Variants in BRSK2 observed in about 807,000 individuals in gnomAD.
The protein encoded by BRSK2 is BR serine/threonine kinase 2.
BRSK2 carries 19 observed loss-of-function variants against 83.3 expected under a neutral mutation model. The ratio of observed to expected loss-of-function variants is 0.23; its 90% CI spans 0.16 to 0.33. The LOEUF is 0.33. Ranked by LOEUF, BRSK2 falls within the 10% of genes least tolerant of loss-of-function variation. The pLI, the probability that BRSK2 is intolerant of heterozygous loss-of-function variation, is 1.00. For missense variants in BRSK2, 798 were observed against 1,042.3 expected, an observed-to-expected ratio of 0.77 and a Z score of 3.23; for synonymous variants, 519 against 435.4, an observed-to-expected ratio of 1.19 and a Z score of -2.39.
chr11:1,411,040 CCATGGCAACAG>C, intron 1 of BRSK2: 1 of 1,062,242 alleles, frequency 9.4e-7, no homozygotes, highest in Non-Finnish European at 1.1e-6. Context: ...GCTCCCATCA[CCATGGCAACAG>C]ATGGAGATTT....
Position 1,423,667 on chromosome 11 carries a change from A to G in BRSK2, c.92-12373A>G, listed in dbSNP as rs2005578. ...AAGGCCTCAAGGAAGCCCTGCCCCA[A>G]GCCTCCCCCGCTGGGCGTTCCGGGT... is the stretch of plus-strand genomic sequence containing the variant. On this transcript the variant is annotated intron_variant, in intron 1 of 19. Transcript: ENST00000528841. This position sits in a 1 kb window ranked among gnomAD's most constrained non-coding sequence, Gnocchi z 6.5. Among the ~76,000 whole-genome samples, 13,667 of 129,272 alleles carry G rather than the reference A, an allele frequency of 0.11. 1,665 individuals are homozygous for G. Among genetic ancestry groups the G allele is most frequent in the African/African-American group, 0.29 (7,920 of 27,102 alleles). 84.8% of individuals were successfully genotyped at this position (129,272 alleles called of 152,430 possible).
chr11:1,408,761 A>G (rs534220969), intron 1 of BRSK2, among the ~76,000 whole-genome samples: 1 of 93,620 alleles, frequency 1.1e-5, no homozygotes, highest in East Asian at 2.3e-4. Context: ...CTGCCTGTGC[A>G]GGGGTGTGTG....
chr11:1,390,412 G>C lies in BRSK2; in HGVS notation c.91+37G>C, dbSNP rs1845647603. 1.0e-6 allele frequency: 1 copy of C among 998,128 alleles called. No homozygotes were observed. Among genetic ancestry groups the C allele is most frequent in the African/African-American group, 1.8e-5 (1 of 56,936 alleles). The allele number at this position is 998,128 out of a possible 1,614,324, so 61.8% of individuals were successfully genotyped here. On this transcript the variant is annotated intron_variant, in intron 1 of 19. Coordinates refer to ENST00000528841, the MANE Select transcript of BRSK2 (RefSeq NM_001256627.2). The surrounding 1 kb of genome is among the most constrained non-coding windows in gnomAD (Gnocchi z 6.8). The stretch of plus-strand genomic sequence containing the variant: ...CGGGGCGGGGACCGGGGCCGGGGAG[G>C]CCGCGCTGGCAGCGCGCTGGGTGGG...
chr11:1,406,794 C>T (rs1846904210), intron 1 of BRSK2, among the ~76,000 whole-genome samples: 1 of 152,174 alleles, frequency 6.6e-6, no homozygotes, highest in Non-Finnish European at 1.5e-5. Context: ...GGGTGTCAGC[C>T]TGCAGCTTGG....
chr11:1,402,763 G>T (rs1463307754), intron 1 of BRSK2, among the ~76,000 whole-genome samples: 1 of 152,206 alleles, frequency 6.6e-6, no homozygotes, highest in African/African-American at 2.4e-5. Context: ...CCTGCCAAAG[G>T]CAGAGGGAGT....
In BRSK2 at chr11:1,454,311, CTAGGGTTAGGGCGT is replaced by C; in HGVS notation, c.1545-172_1545-159del. On this transcript the variant is annotated intron_variant, in intron 15 of 19. Transcript: ENST00000528841. This position sits in a 1 kb window ranked among gnomAD's most constrained non-coding sequence, Gnocchi z 5.2. The stretch of plus-strand genomic sequence containing the variant: ...CACGGTGATGGTCAGGGCATATGGG[CTAGGGTTAGGGCGT>C]TGGGGTCAGGGCCATGGGTTCTGGC... The C allele has an allele frequency of 1.4e-6, 1 of 713,536 alleles. No homozygotes were observed. The allele number at this position is 713,536 out of a possible 1,614,324, so 44.2% of individuals were successfully genotyped here.
chr11:1,448,881 C>G (rs536046933), intron 12 of BRSK2, among the ~76,000 whole-genome samples: 3 of 152,386 alleles, frequency 2.0e-5, no homozygotes, highest in Admixed American at 6.5e-5. Flanking sequence ...GGTCCGGGGC[C>G]TGGGCCGTGG....
chr11:1,452,347 T>C (rs926733465), intron 15 of BRSK2, among the ~76,000 whole-genome samples: 2 of 152,140 alleles, frequency 1.3e-5, no homozygotes, highest in African/African-American at 4.8e-5. Flanking sequence ...GGTGTGTAGG[T>C]ATTGTCGCAA....
chr11:1,454,477 C>T lies in BRSK2; in HGVS notation c.1545-8C>T, dbSNP rs1356881833. The T allele has an allele frequency of 6.2e-7, 1 of 1,612,930 alleles. No homozygotes were observed. Among genetic ancestry groups the T allele is most frequent in the South Asian group, 1.1e-5 (1 of 91,078 alleles). The stretch of plus-strand genomic sequence containing the variant: ...CAATCCTCACAGCCTCTGTCTCCCA[C>T]TGCCCAGGCTGGCGAAGAAGTCCTG... On this transcript the variant is annotated splice_region_variant and splice_polypyrimidine_tract_variant and intron_variant, in intron 15 of 19. Coordinates refer to ENST00000528841, the MANE Select transcript of BRSK2 (RefSeq NM_001256627.2). This position sits in a 1 kb window ranked among gnomAD's most constrained non-coding sequence, Gnocchi z 5.2.
In BRSK2 at chr11:1,453,202, G is replaced by A. The variant is rs554103962; in HGVS notation, c.1545-1283G>A. ...CATAGCAACACCCAGACTAGTGTCC[G>A]GCCAGGCTGTGCACTGCCCACCACG... On this transcript the variant is annotated intron_variant, in intron 15 of 19. Coordinates refer to ENST00000528841, the MANE Select transcript of BRSK2 (RefSeq NM_001256627.2). Among the ~76,000 whole-genome samples, 9 of 152,342 alleles carry A rather than the reference G, an allele frequency of 5.9e-5. No individual in the cohort carries two copies. The South Asian group carries it at 1.0e-3, about 18-fold the overall frequency.
Position 1,390,800 on chromosome 11 carries a change from C to T in BRSK2, c.91+425C>T, listed in dbSNP as rs1344343621. Among the ~76,000 whole-genome samples the T allele has an allele frequency of 6.6e-6, 1 of 152,082 alleles. No homozygotes were observed. Among genetic ancestry groups the T allele is most frequent in the Non-Finnish European group, 1.5e-5 (1 of 67,972 alleles). On this transcript the variant is annotated intron_variant, in intron 1 of 19. Transcript: ENST00000528841. The surrounding 1 kb of genome is among the most constrained non-coding windows in gnomAD (Gnocchi z 6.8). ...TAGGCGTGCTGCCCGAGCAGCTGCG[C>T]CCCCGGCGGGACTCCCACCTCCGCG...
At chr11:1,447,974 C>T in intron 12 of BRSK2, 4 of 1,100,458 alleles carry the variant, frequency 3.6e-6, no homozygotes, top group South Asian at 2.7e-5. Context: ...CTGCAGGGCT[C>T]CTGCTGCGGT....
intron 15 of BRSK2, chr11:1,453,913 C>A (rs1054996595): frequency 6.5e-6 from 1 of 153,330 alleles, no homozygotes; most frequent in Non-Finnish European, 1.5e-5. Context: ...GGTCCTCTCA[C>A]GGCTGGGCTT....
intron 8 of BRSK2, 79 bp downstream of exon 8, chr11:1,443,714 G>A (rs1851659411): frequency 2.9e-6 from 4 of 1,387,716 alleles, no homozygotes; most frequent in South Asian, 1.5e-5. Context: ...GTGTGCACAG[G>A]TGTGTGCCCA....
At chr11:1,445,527 C>T (rs781535379) in intron 10 of BRSK2, 44 bp from the exon 11 acceptor site, 54 of 1,600,850 alleles carry the variant, frequency 3.4e-5, no homozygotes, top group African/African-American at 1.2e-4. Context: ...GAGGAGCCGG[C>T]GGCCCCGTGT....
At chr11:1,411,418 GCCA>G in intron 1 of BRSK2, 1 of 1,467,698 alleles carries the variant, frequency 6.8e-7, no homozygotes, top group South Asian at 1.4e-5. Context: ...AGCCCTGAGG[GCCA>G]CCCCAGCCGA....
chr11:1,420,453 C>T (rs1266782476), intron 1 of BRSK2, among the ~76,000 whole-genome samples: 1 of 152,230 alleles, frequency 6.6e-6, no homozygotes. Context: ...CCCAGGCCCA[C>T]CCCCTGCCTT....
intron 1 of BRSK2, among the ~76,000 whole-genome samples, chr11:1,412,620 G>T (rs1261260231): frequency 1.3e-5 from 2 of 152,224 alleles, no homozygotes; most frequent in Admixed American, 1.3e-4. Context: ...GGGTCGGGTT[G>T]CGGGGAGGGC....
intron 12 of BRSK2, 47 bp from the exon 13 acceptor site, chr11:1,449,729 C>T (rs200769849): frequency 1.9e-6 from 3 of 1,553,890 alleles, no homozygotes; most frequent in South Asian, 2.3e-5. Context: ...ACCTGCTGCT[C>T]CACTGCCCCC....
Sources: allele counts gnomAD v4.1 joint callset (sites outside exome capture counted in the v4.1 genomes callset), GRCh38; gene constraint gnomAD v4.1.1; non-coding constraint Gnocchi (gnomAD v3.1); transcripts MANE v1.5; gene names NCBI Gene and HGNC (gene_info 2026-07-23, HGNC 2026-07-21).